Variants in SLC35D1 observed in about 807,000 individuals in gnomAD.
The protein encoded by SLC35D1 is solute carrier family 35 member D1.
A neutral mutation model predicts 46.7 loss-of-function variants in SLC35D1; 31 were observed. That is an observed-to-expected ratio of 0.66 (90% CI 0.50 to 0.90). The LOEUF (loss-of-function observed/expected upper bound fraction) is 0.90, where lower values mean the gene tolerates loss of function less well. Ranked by LOEUF, SLC35D1 falls within the 40% of genes least tolerant of loss-of-function variation. The probability of loss-of-function intolerance (pLI) is 0.00; values close to 1 mark genes in which losing one functional copy is unlikely to be tolerated. For synonymous variants in SLC35D1, 195 were observed against 164.6 expected (o/e 1.18, Z -1.41); for missense variants, 397 against 426.2 (o/e 0.93, Z 0.60).
chr1:67,053,056 G>C, intron 1 of SLC35D1, 67 bp from the exon 2 acceptor site: 1 of 1,564,990 alleles, frequency 6.4e-7, no homozygotes, highest in Non-Finnish European at 8.7e-7. Flanking sequence ...AATTCAATTT[G>C]CACATCGGCA....
chr1:66,980,272 A>G, the SLC35D1 span, among the ~76,000 whole-genome samples: 2 of 152,252 alleles, frequency 1.3e-5, no homozygotes, highest in Non-Finnish European at 2.9e-5. Context: ...CTTCAAGACC[A>G]TCTAATTTAA....
chr1:67,049,586 A>T (rs2102367953), intron 6 of SLC35D1, among the ~76,000 whole-genome samples, 196 bp downstream of exon 6: 1 of 152,368 alleles, frequency 6.6e-6, no homozygotes, highest in Non-Finnish European at 1.5e-5. Flanking sequence ...AAATTTTAAC[A>T]ATCCCAAGAA....
the SLC35D1 span, among the ~76,000 whole-genome samples, chr1:66,974,260 C>A: frequency 6.6e-6 from 1 of 151,828 alleles, no homozygotes; most frequent in Non-Finnish European, 1.5e-5. Context: ...TAATTAGTTT[C>A]AAAAATGTAT....
chr1:66,979,097 G>T, the SLC35D1 span, among the ~76,000 whole-genome samples: 2 of 147,872 alleles, frequency 1.4e-5, no homozygotes, highest in African/African-American at 5.0e-5. Context: ...CCACTGGGTT[G>T]TTTTTTTTTT....
At chr1:67,011,035 G>A (rs958938255) in intron 10 of SLC35D1, among the ~76,000 whole-genome samples, 2 of 152,096 alleles carry the variant, frequency 1.3e-5, no homozygotes, top group Non-Finnish European at 2.9e-5. Context: ...CTACCTGTGA[G>A]GTTTCATCTG....
chr1:66,998,975 T>C (rs536423986), downstream of SLC35D1, among the ~76,000 whole-genome samples: 199 of 152,288 alleles, frequency 1.3e-3, 2 homozygotes, highest in Admixed American at 2.4e-3. Flanking sequence ...AGATGGTATA[T>C]TTTATGTGTA....
At chr1:66,993,707 C>CT in the SLC35D1 span, among the ~76,000 whole-genome samples, 1 of 152,072 alleles carries the variant, frequency 6.6e-6, no homozygotes, top group Non-Finnish European at 1.5e-5. Flanking sequence ...TGTTTCACCT[C>CT]TAAAACAACA....
the SLC35D1 span, among the ~76,000 whole-genome samples, chr1:66,976,389 T>C: frequency 6.6e-6 from 1 of 152,228 alleles, no homozygotes; most frequent in Non-Finnish European, 1.5e-5. Context: ...GCTGTATATC[T>C]GAAGACCTGT....
intron 8 of SLC35D1, among the ~76,000 whole-genome samples, chr1:67,038,547 C>CT (rs1303041196): frequency 1.7e-5 from 1 of 57,560 alleles, no homozygotes; most frequent in African/African-American, 7.9e-5. Context: ...TGGCTTTGTA[C>CT]TAAAAAAAAA....
At chr1:66,988,738 A>G in the SLC35D1 span, 13 of 152,368 alleles carry the variant, frequency 8.5e-5, no homozygotes, top group Middle Eastern at 3.4e-3. Context: ...TGATGGTGAC[A>G]GTTTCACATT....
At chr1:66,981,652 G>A in the SLC35D1 span, 1 of 673,022 alleles carries the variant, frequency 1.5e-6, no homozygotes, top group Non-Finnish European at 2.4e-6. Context: ...TATGATAGAT[G>A]AAGCACTGGA....
At chr1:66,999,159 A>G (rs937188696), downstream of SLC35D1, among the ~76,000 whole-genome samples, 2 of 152,182 alleles carry the variant, frequency 1.3e-5, no homozygotes, top group African/African-American at 4.8e-5. Context: ...CTGAAAACAG[A>G]AAGATTAGCA....
chr1:66,987,305 G>A, the SLC35D1 span: 3 of 152,696 alleles, frequency 2.0e-5, no homozygotes, highest in Non-Finnish European at 4.4e-5. Flanking sequence ...ATTTGCTTAA[G>A]ATTTAGTACA....
At position 67,000,164 on chromosome 1, in the gene SLC35D1, G is replaced by A. The variant is rs1326768960; in HGVS notation, c.*4176C>T. ...GGCGTAATGGCACATGCCTATAGTC[G>A]TAGCTACTTAGCAGGCTAAGGCAGG... is the stretch of plus-strand genomic sequence containing the variant. On this transcript the variant is annotated 3_prime_UTR_variant, in exon 12 of 12. Coordinates refer to ENST00000235345, the MANE Select transcript of SLC35D1 (RefSeq NM_015139.3). 2 of 151,324 alleles carry A rather than the reference G, an allele frequency of 1.3e-5. No individual in the cohort carries two copies. The highest frequency in any genetic ancestry group is 1.9e-4 in the East Asian group (1 of 5,166). The allele number at this position is 151,324 out of a possible 1,614,324, so 9.4% of individuals were successfully genotyped here. A position where few individuals can be genotyped will look rare whatever the true frequency, so the allele number is the denominator to read the frequency against.
At position 67,003,575 on chromosome 1, in the gene SLC35D1, T is replaced by C. The variant is rs1474893647; in HGVS notation, c.*765A>G. On this transcript the variant is annotated 3_prime_UTR_variant, in exon 12 of 12. Coordinates refer to ENST00000235345, the MANE Select transcript of SLC35D1 (RefSeq NM_015139.3). The stretch of plus-strand genomic sequence containing the variant: ...TGTTTCAACTACCTCTGCAAACATC[T>C]CTGTATCCCCAGCATTTAGCACAAT... The C allele has an allele frequency of 1.3e-5, 2 of 152,636 alleles. No homozygotes were observed. Among genetic ancestry groups the C allele is most frequent in the Middle Eastern group, 3.4e-3 (1 of 294 alleles). The allele number at this position is 152,636 out of a possible 1,614,324, so 9.5% of individuals were successfully genotyped here. A position where few individuals can be genotyped will look rare whatever the true frequency, so the allele number is the denominator to read the frequency against.
intron 10 of SLC35D1, among the ~76,000 whole-genome samples, chr1:67,019,319 G>C (rs185523879): frequency 6.6e-6 from 1 of 152,262 alleles, no homozygotes; most frequent in Admixed American, 6.5e-5. Flanking sequence ...AGCTAATTTG[G>C]GGGAGGGGCC....
At position 67,003,927 on chromosome 1, in the gene SLC35D1, A is replaced by G. The variant is rs1667393117; in HGVS notation, c.*413T>C. 1 of 206,926 alleles carries G rather than the reference A, an allele frequency of 4.8e-6. No individual in the cohort carries two copies. Among genetic ancestry groups the G allele is most frequent in the Non-Finnish European group, 9.9e-6 (1 of 100,904 alleles). The allele number at this position is 206,926 out of a possible 1,614,324, so 12.8% of individuals were successfully genotyped here. ...TCACATATTCGTCTGCATTTCCAGC[A>G]GAGGAAAGGCTAAACTGCCTCCAGA... On this transcript the variant is annotated 3_prime_UTR_variant, in exon 12 of 12. Transcript: ENST00000235345.
At chr1:66,984,958 G>T in the SLC35D1 span, 4 of 1,498,150 alleles carry the variant, frequency 2.7e-6, no homozygotes, top group Non-Finnish European at 3.5e-6. Flanking sequence ...AAATTTTCAG[G>T]GTTGATGGGT....
At chr1:67,005,723 A>G (rs1667434835) in intron 11 of SLC35D1, among the ~76,000 whole-genome samples, 1 of 152,190 alleles carries the variant, frequency 6.6e-6, no homozygotes. Context: ...GCTCAGGGTC[A>G]CAAAGCATCC....
Sources: allele counts gnomAD v4.1 joint callset (sites outside exome capture counted in the v4.1 genomes callset), GRCh38; gene constraint gnomAD v4.1.1; transcripts MANE v1.5; gene names NCBI Gene and HGNC (gene_info 2026-07-23, HGNC 2026-07-21).